The following GABRA4 variants were observed in gnomAD, a reference collection of about 807,000 sequenced individuals.
The protein encoded by GABRA4 is gamma-aminobutyric acid receptor subunit alpha-4.
In GABRA4, 12 loss-of-function variants were observed where a neutral mutation model predicts 49.7. The observed-to-expected ratio is 0.24, with a 90% CI of 0.15 to 0.39. The LOEUF is 0.39. Among genes scored for constraint, GABRA4 ranks in the 10% least tolerant of loss-of-function variants. GABRA4 has a pLI of 1.00. For missense variants in GABRA4, 506 were observed against 686.0 expected (o/e 0.74, Z 2.93); for synonymous variants, 288 against 240.2 (o/e 1.20, Z -1.84).
chr4:46,991,754 A>G (rs2109413557), intron 2 of GABRA4, among the ~76,000 whole-genome samples: 1 of 103,336 alleles, frequency 9.7e-6, no homozygotes, highest in East Asian at 2.9e-4. Flanking sequence ...TGGGGATGGT[A>G]ATGGCTTTCA....
Position 46,983,629 on chromosome 4 carries a change from G to A in GABRA4, c.206-4531C>T, listed in dbSNP as rs543762537. Among the ~76,000 whole-genome samples, 11 of 152,124 alleles carry A rather than the reference G, an allele frequency of 7.2e-5. No individual in the cohort carries two copies. The East Asian group carries it at 1.2e-3, about 16-fold the overall frequency. On this transcript the variant is annotated intron_variant, in intron 2 of 8. Coordinates refer to ENST00000264318, the MANE Select transcript of GABRA4 (RefSeq NM_000809.4). ...CCAATCACAGGTTTTAAATGTAATA[G>A]GCTTCTGATAAATCAGTTGTCAATG...
intron 8 of GABRA4, among the ~76,000 whole-genome samples, chr4:46,940,158 G>A (rs1248774496): frequency 2.0e-5 from 3 of 152,006 alleles, no homozygotes; most frequent in Admixed American, 1.3e-4. Context: ...TCTACAAGAG[G>A]AAATCTATTC....
chr4:46,931,500 A>G, intron 8 of GABRA4, among the ~76,000 whole-genome samples: 1 of 152,124 alleles, frequency 6.6e-6, no homozygotes, highest in South Asian at 2.1e-4. Flanking sequence ...TCTATATAAT[A>G]GACTGGCTTC....
chr4:46,981,836 A>G (rs1655257348), intron 2 of GABRA4, among the ~76,000 whole-genome samples: 1 of 152,112 alleles, frequency 6.6e-6, no homozygotes, highest in African/African-American at 2.4e-5. Flanking sequence ...TTAAACTCAA[A>G]CTTGGAGAAT....
At chr4:46,939,654 A>T (rs1177383540) in intron 8 of GABRA4, among the ~76,000 whole-genome samples, 4 of 151,982 alleles carry the variant, frequency 2.6e-5, no homozygotes, top group African/African-American at 9.7e-5. Flanking sequence ...AACAGAAAAA[A>T]GTTTATCTGA....
chr4:46,951,673 A>C (rs1381142355), intron 8 of GABRA4, among the ~76,000 whole-genome samples: 1 of 151,906 alleles, frequency 6.6e-6, no homozygotes, highest in Non-Finnish European at 1.5e-5. Context: ...TTCTTCCTCT[A>C]TAGCTCTTCC....
chr4:46,960,426 T>C (rs1260595998), intron 8 of GABRA4, among the ~76,000 whole-genome samples: 1 of 151,814 alleles, frequency 6.6e-6, no homozygotes, highest in Non-Finnish European at 1.5e-5. Flanking sequence ...TTAAGTAAAA[T>C]TGTTTTAATA....
chr4:46,992,797 G>A (rs1560487423), intron 2 of GABRA4, 31 bp downstream of exon 2: 1 of 1,462,658 alleles, frequency 6.8e-7, no homozygotes. Context: ...GGACAGACAG[G>A]ACACACTTGC....
chr4:46,953,272 C>T (rs1722234713), intron 8 of GABRA4, among the ~76,000 whole-genome samples: 1 of 152,012 alleles, frequency 6.6e-6, no homozygotes, highest in Non-Finnish European at 1.5e-5. Flanking sequence ...ATCCCTCACC[C>T]CCTAAAGCTC....
chr4:46,969,937 A>G (rs1722890568), intron 7 of GABRA4, among the ~76,000 whole-genome samples: 1 of 151,304 alleles, frequency 6.6e-6, no homozygotes, highest in Admixed American at 6.6e-5. Flanking sequence ...CTTTCCTAAG[A>G]TCACACCCTC....
In GABRA4 at chr4:46,928,117, T is replaced by A; in HGVS notation, c.*108A>T. On this transcript the variant is annotated 3_prime_UTR_variant, in exon 9 of 9. Transcript: ENST00000264318. ...TGGCTTATATCTTTAAATGGAAAAA[T>A]TACACAGAGTTTTTATTTTAGTAAA... is the stretch of plus-strand genomic sequence containing the variant. The A allele has an allele frequency of 1.0e-6, 1 of 984,146 alleles. No homozygotes were observed. The highest frequency in any genetic ancestry group is 1.4e-6 in the Non-Finnish European group (1 of 699,588). 61.0% of individuals were successfully genotyped at this position (984,146 alleles called of 1,614,324 possible).
At position 46,927,001 on chromosome 4, in the gene GABRA4, T is replaced by C. The variant is rs1209811061; in HGVS notation, c.*1224A>G. 7 of 151,884 alleles carry C rather than the reference T, an allele frequency of 4.6e-5. No individual in the cohort carries two copies. The highest frequency in any genetic ancestry group is 1.0e-4 in the Non-Finnish European group (7 of 67,898). The allele number at this position is 151,884 out of a possible 1,614,324, so 9.4% of individuals were successfully genotyped here. ...TACAGAACTACGGACACAAAACTCT[T>C]CAAAATTTAGCATTTCACTAGCTAA... On this transcript the variant is annotated 3_prime_UTR_variant, in exon 9 of 9. Transcript: ENST00000264318.
At position 46,985,530 on chromosome 4, in the gene GABRA4, T is replaced by C. The variant is rs548073122; in HGVS notation, c.206-6432A>G. The stretch of plus-strand genomic sequence containing the variant: ...TTCAATTCTGTGTAACTGTGGCTTA[T>C]AGAATAAATATATAAGAAAGGCTTA... On this transcript the variant is annotated intron_variant, in intron 2 of 8. Coordinates refer to ENST00000264318, the MANE Select transcript of GABRA4 (RefSeq NM_000809.4). Among the ~76,000 whole-genome samples the C allele has an allele frequency of 2.6e-5, 4 of 152,212 alleles. No homozygotes were observed. In the South Asian group the frequency reaches 8.3e-4, roughly 32 times the overall value.
intron 8 of GABRA4, among the ~76,000 whole-genome samples, chr4:46,933,146 G>A (rs187382353): frequency 8.9e-4 from 136 of 152,154 alleles, no homozygotes; most frequent in African/African-American, 3.1e-3. Context: ...CAAAGATCAA[G>A]TGTTTTTATT....
At chr4:46,928,833 C>T (rs1721332859) in intron 8 of GABRA4, 78 bp from the exon 9 acceptor site, 1 of 931,072 alleles carries the variant, frequency 1.1e-6, no homozygotes, top group Admixed American at 2.9e-5. Context: ...GATCAAAATT[C>T]TTAAAATTAG....
chr4:46,971,069 T>C lies in GABRA4; in HGVS notation c.874+14A>G. 1 of 1,595,762 alleles carries C rather than the reference T, an allele frequency of 6.3e-7. No individual in the cohort carries two copies. Among genetic ancestry groups the C allele is most frequent in the Non-Finnish European group, 8.5e-7 (1 of 1,172,588 alleles). On this transcript the variant is annotated intron_variant, in intron 7 of 8. Coordinates refer to ENST00000264318, the MANE Select transcript of GABRA4 (RefSeq NM_000809.4). ...AATGTGAACAAAAACGCCCAAGAAATGAATTGCAATTACCAAATACAGTCC... is the reference window on the plus strand; with the variant it reads ...AATGTGAACAAAAACGCCCAAGAAACGAATTGCAATTACCAAATACAGTCC...
At position 46,953,772 on chromosome 4, in the gene GABRA4, C is replaced by T. The variant is rs537003110; in HGVS notation, c.1134+11198G>A. On this transcript the variant is annotated intron_variant, in intron 8 of 8. Transcript: ENST00000264318. ...GGATAGAGTTTCAAAGTATGGCTTA[C>T]ACTTCTAACAATGTAAACATTAAGA... Among the ~76,000 whole-genome samples, 14 of 152,232 alleles carry T rather than the reference C, an allele frequency of 9.2e-5. No homozygotes were observed. In the South Asian group the frequency reaches 2.9e-3, roughly 32 times the overall value.
At chr4:46,992,381 C>T (rs552722758) in intron 2 of GABRA4, among the ~76,000 whole-genome samples, 6 of 152,268 alleles carry the variant, frequency 3.9e-5, no homozygotes, top group African/African-American at 1.4e-4. Flanking sequence ...AGATTTATGT[C>T]CCAGGTAGAA....
chr4:46,992,779 C>T lies in GABRA4; in HGVS notation c.205+49G>A, dbSNP rs756188530. On this transcript the variant is annotated intron_variant, in intron 2 of 8. Transcript: ENST00000264318. Reference sequence around the variant, plus strand: ...CCCACAGACAGACAGACAGGAAGACCAAGAGAGGGACAGACAGGACACACT... The same window carrying T: ...CCCACAGACAGACAGACAGGAAGACTAAGAGAGGGACAGACAGGACACACT... 9.1e-6 allele frequency: 12 copies of T among 1,316,808 alleles called. No individual in the cohort carries two copies. The South Asian group carries it at 1.1e-4, about 12-fold the overall frequency. 81.6% of individuals were successfully genotyped at this position (1,316,808 alleles called of 1,614,324 possible).
Sources: gnomAD v4.1 joint callset for allele counts (sites outside exome capture counted in the v4.1 genomes callset) on GRCh38, gnomAD v4.1.1 for gene constraint, MANE v1.5 for transcripts, NCBI Gene and HGNC (gene_info 2026-07-23, HGNC 2026-07-21) for gene names.